Variants in JMJD6 observed in about 807,000 individuals in gnomAD.
JMJD6 encodes the protein jumonji domain containing 6, arginine demethylase and lysine hydroxylase.
In JMJD6, 17 loss-of-function variants were observed where a neutral mutation model predicts 45.8. The observed-to-expected ratio is 0.37, with a 90% CI of 0.25 to 0.56. The LOEUF is 0.56. Among genes scored for constraint, JMJD6 ranks in the 20% least tolerant of loss-of-function variants. The pLI, the probability that JMJD6 is intolerant of heterozygous loss-of-function variation, is 0.79. For synonymous variants in JMJD6, 221 were observed against 196.3 expected (o/e 1.13, Z -1.05); for missense variants, 470 against 517.5 (o/e 0.91, Z 0.89).
chr17:76,724,117 AAAC>A, intron 2 of JMJD6, 59 bp from the exon 3 acceptor site: 1 of 1,561,450 alleles, frequency 6.4e-7, no homozygotes, highest in Admixed American at 1.8e-5. Flanking sequence ...ATACCACACA[AAAC>A]AATAAGTTTT....
chr17:76,725,885 TAAAA>T (rs376352692), intron 1 of JMJD6, 30 bp from the exon 2 acceptor site: 8 of 1,403,550 alleles, frequency 5.7e-6, no homozygotes, highest in South Asian at 4.2e-5. Context: ...CCTGTCCAGT[TAAAA>T]AAAAAAAAAA....
At chr17:76,713,110 C>G (rs1313346553) in exon 7 of JMJD6, 1 of 151,316 alleles carries the variant, frequency 6.6e-6, no homozygotes, top group East Asian at 1.9e-4. Flanking sequence ...GATGACATTT[C>G]TTTTTTTTTA....
At chr17:76,720,060 G>A (rs553927399) in intron 5 of JMJD6, among the ~76,000 whole-genome samples, 10 of 152,308 alleles carry the variant, frequency 6.6e-5, no homozygotes, top group East Asian at 3.9e-4. Flanking sequence ...CAGGAGAATC[G>A]CTTGAACTTG....
chr17:76,713,980 C>T (rs2076746840), downstream of JMJD6: 1 of 152,256 alleles, frequency 6.6e-6, no homozygotes, highest in African/African-American at 2.4e-5. Flanking sequence ...CTGGGCTTGT[C>T]ACCGTTATCT....
At chr17:76,716,588 G>A, downstream of JMJD6, 1 of 1,115,902 alleles carries the variant, frequency 9.0e-7, no homozygotes, top group Admixed American at 1.8e-5. Flanking sequence ...ATTCAAAGAA[G>A]ACAGAGGAGA....
Position 76,726,533 on chromosome 17 carries a change from T to G in JMJD6, c.-58A>C, listed in dbSNP as rs1382169329. On this transcript the variant is annotated 5_prime_UTR_variant, in exon 1 of 6. Coordinates refer to ENST00000397625, the MANE Select transcript of JMJD6 (RefSeq NM_015167.3). ...CTCGGCGCAGCCCGCTTCCTGACAC[T>G]AACGCACCCCTCCCCGGCCTGGGCG... The G allele has an allele frequency of 1.7e-5, 26 of 1,537,886 alleles. No individual in the cohort carries two copies. Among genetic ancestry groups the G allele is most frequent in the African/African-American group, 2.8e-5 (2 of 70,198 alleles).
chr17:76,718,339 A>C, downstream of JMJD6: 3 of 746,672 alleles, frequency 4.0e-6, no homozygotes, highest in South Asian at 1.2e-4. Flanking sequence ...TGGGACGACG[A>C]CTCTGTGGTC....
At chr17:76,725,968 G>A in intron 1 of JMJD6, 113 bp from the exon 2 acceptor site, 1 of 1,316,354 alleles carries the variant, frequency 7.6e-7, no homozygotes, top group South Asian at 1.5e-5. Flanking sequence ...GTTGACTCTC[G>A]TCTGGCTCCT....
chr17:76,719,130 T>C (rs891725567), intron 5 of JMJD6, among the ~76,000 whole-genome samples: 2 of 152,210 alleles, frequency 1.3e-5, no homozygotes, highest in African/African-American at 2.4e-5. Flanking sequence ...GGATACCCAT[T>C]GTAAAAATCT....
At chr17:76,720,809 C>A (rs1179196224) in intron 4 of JMJD6, among the ~76,000 whole-genome samples, 1 of 152,166 alleles carries the variant, frequency 6.6e-6, no homozygotes, top group Non-Finnish European at 1.5e-5. Flanking sequence ...TAGTTTTATT[C>A]CCTTAGGACA....
intron 4 of JMJD6, chr17:76,721,119 C>A (rs1171888827): frequency 2.4e-5 from 5 of 207,076 alleles, no homozygotes; most frequent in Non-Finnish European, 5.4e-5. Flanking sequence ...TGCGGTGTGA[C>A]CAAATCACAG....
chr17:76,726,489 C>A lies in JMJD6; in HGVS notation c.-14G>T, dbSNP rs755041881. The stretch of plus-strand genomic sequence containing the variant: ...CTTGTGGTTCATTCTGCGGGGTCGC[C>A]AGCTGGTTCCGCTACGACCTCGGCG... On this transcript the variant is annotated 5_prime_UTR_variant, in exon 1 of 6. Coordinates refer to ENST00000397625, the MANE Select transcript of JMJD6 (RefSeq NM_015167.3). The A allele has an allele frequency of 1.3e-6, 2 of 1,585,344 alleles. No homozygotes were observed. The highest frequency in any genetic ancestry group is 2.8e-5 in the African/African-American group (2 of 72,382).
chr17:76,718,137 T>G, downstream of JMJD6, among the ~76,000 whole-genome samples: 1 of 129,042 alleles, frequency 7.7e-6, no homozygotes, highest in Admixed American at 9.4e-5. Flanking sequence ...CACTCCAGCA[T>G]GGGCAAGAGC....
At chr17:76,713,003 TG>T (rs2076740748) in exon 7 of JMJD6, 2 of 152,246 alleles carry the variant, frequency 1.3e-5, no homozygotes, top group African/African-American at 4.8e-5. Context: ...GAGGCACGAG[TG>T]TGCAGAAGAC....
chr17:76,724,149 C>T, intron 2 of JMJD6, 91 bp from the exon 3 acceptor site: 1 of 1,383,192 alleles, frequency 7.2e-7, no homozygotes, highest in Non-Finnish European at 1.0e-6. Context: ...CTTTGAGAGT[C>T]TTGCTCTATC....
At chr17:76,721,512 A>G (rs2076823714) in intron 4 of JMJD6, 2 of 431,392 alleles carry the variant, frequency 4.6e-6, no homozygotes, top group Non-Finnish European at 8.6e-6. Flanking sequence ...GCTAGCTTTG[A>G]AAAACAAAAC....
At chr17:76,725,885 T>TAAAA in intron 1 of JMJD6, 30 bp from the exon 2 acceptor site, 1 of 1,403,688 alleles carries the variant, frequency 7.1e-7, no homozygotes, top group Non-Finnish European at 9.5e-7. Context: ...CCTGTCCAGT[T>TAAAA]AAAAAAAAAA....
Position 76,725,867 on chromosome 17 carries a change from A to T in JMJD6, c.130-12T>A. On this transcript the variant is annotated splice_polypyrimidine_tract_variant and intron_variant, in intron 1 of 5. Coordinates refer to ENST00000397625, the MANE Select transcript of JMJD6 (RefSeq NM_015167.3). The stretch of plus-strand genomic sequence containing the variant: ...CTTTCCACGTTATCCTGAGGGAATT[A>T]AAAAAGACCTGTCCAGTTAAAAAAA... The T allele has an allele frequency of 6.3e-7, 1 of 1,578,322 alleles. No homozygotes were observed. The highest frequency in any genetic ancestry group is 2.2e-5 in the East Asian group (1 of 44,662).
In JMJD6 at chr17:76,725,768, A is replaced by G. The variant is rs544640593; in HGVS notation, c.217T>C (p.Leu73=). Residue 73 remains leucine, a synonymous_variant, in exon 2 of 6, where the codon TTG becomes CTG. Transcript: ENST00000397625. ...YERPYKPVVL[L]NAQEGWSAQE... is the part of the protein sequence containing the mutation. ...GCAGACCAGCCCTCTTGCGCATTCA[A>G]CAAAACCACGGGCTTGTAAGGTCTT... The G allele has an allele frequency of 3.1e-6, 5 of 1,614,084 alleles. No individual in the cohort carries two copies. In the South Asian group the frequency reaches 4.4e-5, roughly 14 times the overall value.
Sources: gnomAD v4.1 joint callset for allele counts (sites outside exome capture counted in the v4.1 genomes callset) on GRCh38, gnomAD v4.1.1 for gene constraint, MANE v1.5 for transcripts, NCBI Gene and HGNC (gene_info 2026-07-23, HGNC 2026-07-21) for gene names.